Variants in OTOF observed in about 807,000 individuals in gnomAD.
The protein encoded by OTOF is otoferlin, also known as fer-1-like family member 2.
A neutral mutation model predicts 236.8 loss-of-function variants in OTOF; 218 were observed. That is an observed-to-expected ratio of 0.92 (90% CI 0.82 to 1.03). The LOEUF (loss-of-function observed/expected upper bound fraction) is 1.03, where lower values mean the gene tolerates loss of function less well. Among genes scored for constraint, OTOF ranks in the 50% least tolerant of loss-of-function variants. The pLI is 0.00. For missense variants in OTOF, 2,590 were observed against 2,694.4 expected, an observed-to-expected ratio of 0.96 and a Z score of 0.86; for synonymous variants, 1,041 against 1,072.5, an observed-to-expected ratio of 0.97 and a Z score of 0.57.
chr2:26,516,231 C>A (rs1196043737), intron 5 of OTOF, among the ~76,000 whole-genome samples, 187 bp downstream of exon 5: 1 of 152,192 alleles, frequency 6.6e-6, no homozygotes, highest in Non-Finnish European at 1.5e-5. Context: ...GCCCAGTGAC[C>A]TCGGGGGTGG....
At position 26,480,784 on chromosome 2, in the gene OTOF, AC is replaced by A. The variant is rs1254806438; in HGVS notation, c.1803+1del. 6.2e-7 allele frequency: 1 copy of A among 1,610,340 alleles called. No homozygotes were observed. The highest frequency in any genetic ancestry group is 8.5e-7 in the Non-Finnish European group (1 of 1,179,102). ...GGGACAGCACAGTGCCTGGGGTCTC[AC>A]CTCCGAGATGGGCGTGGCCTGCTCC... On this transcript the variant is annotated splice_donor_variant, in intron 15 of 46. Coordinates refer to ENST00000272371, the MANE Select transcript of OTOF (RefSeq NM_194248.3). LOFTEE classifies it high-confidence loss of function.
intron 12 of OTOF, 95 bp downstream of exon 12, chr2:26,484,379 G>A (rs760128492): frequency 1.7e-5 from 22 of 1,304,182 alleles, no homozygotes; most frequent in African/African-American, 1.3e-4. Context: ...TGAGGGAGAC[G>A]GGTGGCAGGT....
At position 26,532,092 on chromosome 2, in the gene OTOF, C is replaced by CAAAAAAAAAAAAA. The variant is rs150580671; in HGVS notation, c.139-4185_139-4173dup. On this transcript the variant is annotated intron_variant, in intron 2 of 46. Coordinates refer to ENST00000272371, the MANE Select transcript of OTOF (RefSeq NM_194248.3). ...TGGGTGACAGAGTAAGACTCCACCTCAAAAAAAAAAAAAAAAAAAAAAAGA... is the reference window on the plus strand; with the variant it reads ...TGGGTGACAGAGTAAGACTCCACCTCAAAAAAAAAAAAAAAAAAAAAAAAAAAAAAAAAAAAGA... Among the ~76,000 whole-genome samples the CAAAAAAAAAAAAA allele has an allele frequency of 5.1e-4, 41 of 80,196 alleles. 3 individuals are homozygous for CAAAAAAAAAAAAA. Among genetic ancestry groups the CAAAAAAAAAAAAA allele is most frequent in the African/African-American group, 2.5e-3 (39 of 15,820 alleles). 52.6% of individuals were successfully genotyped at this position (80,196 alleles called of 152,430 possible). A position where few individuals can be genotyped will look rare whatever the true frequency, so the allele number is the denominator to read the frequency against.
intron 2 of OTOF, 152 bp downstream of exon 2, chr2:26,537,564 C>A: frequency 1.4e-6 from 1 of 690,600 alleles, no homozygotes; most frequent in Non-Finnish European, 2.6e-6. Flanking sequence ...CCCTCCTTAC[C>A]ACCTCCTTCA....
At chr2:26,503,228 A>G (rs974088124) in intron 6 of OTOF, among the ~76,000 whole-genome samples, 5 of 152,146 alleles carry the variant, frequency 3.3e-5, no homozygotes, top group African/African-American at 4.8e-5. Flanking sequence ...GTCTTCCTCC[A>G]GGCCTCCCGC....
rs575291640 is a variant in OTOF at position 26,462,490 on chromosome 2, C to A, written c.5193-309G>T. ...AGCCAGCAATGGAAGCCCATGGAAG[C>A]TGTATGTCCCTGTCCCCAAAGAGGA... On this transcript the variant is annotated intron_variant, in intron 41 of 46. Transcript: ENST00000272371. This position sits in a 1 kb window ranked among gnomAD's most constrained non-coding sequence, Gnocchi z 4.7. Among the ~76,000 whole-genome samples, 9 of 152,176 alleles carry A rather than the reference C, an allele frequency of 5.9e-5. No homozygotes were observed. The highest frequency in any genetic ancestry group is 1.0e-4 in the Non-Finnish European group (7 of 68,024).
intron 5 of OTOF, among the ~76,000 whole-genome samples, chr2:26,506,132 G>A (rs1452416928): frequency 1.3e-5 from 2 of 152,170 alleles, no homozygotes; most frequent in Non-Finnish European, 2.9e-5. Context: ...CCTGCCATAG[G>A]CCCAGCTTCA....
chr2:26,490,363 A>T (rs578011468), intron 9 of OTOF, among the ~76,000 whole-genome samples: 1 of 152,352 alleles, frequency 6.6e-6, no homozygotes, highest in African/African-American at 2.4e-5. Context: ...GAGCAGATGA[A>T]CCATGGTGTG....
intron 26 of OTOF, 99 bp from the exon 27 acceptor site, chr2:26,474,209 C>T (rs1044051026): frequency 1.3e-6 from 2 of 1,517,948 alleles, no homozygotes; most frequent in Non-Finnish European, 1.8e-6. Context: ...CAGGGAAACC[C>T]CCTAAGGACC....
rs1010385215 is a variant in OTOF at position 26,462,316 on chromosome 2, G to C, written c.5193-135C>G. ...ACAGGGCCTGGGCCAGGCTGGGGCT[G>C]GAGGAGTGGTTTGGGGTTGGGGGAG... On this transcript the variant is annotated intron_variant, in intron 41 of 46. Transcript: ENST00000272371. This position sits in a 1 kb window ranked among gnomAD's most constrained non-coding sequence, Gnocchi z 4.7. 8 of 791,794 alleles carry C rather than the reference G, an allele frequency of 1.0e-5. No homozygotes were observed. In the African/African-American group the frequency reaches 1.4e-4, roughly 13 times the overall value. The allele number at this position is 791,794 out of a possible 1,614,324, so 49.0% of individuals were successfully genotyped here.
chr2:26,547,784 T>C (rs1414835658), intron 1 of OTOF, among the ~76,000 whole-genome samples: 3 of 152,144 alleles, frequency 2.0e-5, no homozygotes, highest in Admixed American at 6.5e-5. Context: ...GAGGTTGCAG[T>C]GAGCTGAGAT....
In OTOF at chr2:26,472,638, G is replaced by A. The variant is rs778205630; in HGVS notation, c.3745C>T (p.Arg1249Trp). ...CCATTGCACAGCACACGGCAGCGCC[G>A]GAGAAGCCTGACTGGACAGATGGAT... ...PSWNTTVRLL[R>W]RCRVLCNGGS... Residue 1249 changes from arginine (R) to tryptophan (W), a missense_variant, in exon 30 of 47, where the codon CGG (arginine) becomes TGG (tryptophan). Physicochemically the swap from Arg to Trp is moderately radical, Grantham distance 101. Around this residue, in one of 2 missense-constraint regions of OTOF, gnomAD observed 1,211 missense variants for 1,352.8 expected, o/e 0.90. Coordinates refer to ENST00000272371, the MANE Select transcript of OTOF (RefSeq NM_194248.3). 4.7e-5 allele frequency: 76 copies of A among 1,612,944 alleles called. No homozygotes were observed. Among genetic ancestry groups the A allele is most frequent in the East Asian group, 2.2e-4 (10 of 44,878 alleles).
Position 26,482,605 on chromosome 2 carries a change from GGA to G in OTOF, c.1393-15_1393-14del. 1.2e-6 allele frequency: 2 copies of G among 1,610,732 alleles called. No individual in the cohort carries two copies. Among genetic ancestry groups the G allele is most frequent in the Non-Finnish European group, 1.7e-6 (2 of 1,178,130 alleles). On this transcript the variant is annotated splice_polypyrimidine_tract_variant and intron_variant, in intron 13 of 46. Coordinates refer to ENST00000272371, the MANE Select transcript of OTOF (RefSeq NM_194248.3). ...CTGAAGTCTTGCCCTGGTGGAAGGGGGAGCACAGGTGAGGGCGTGGCATGTGT... is the reference window on the plus strand; with the variant it reads ...CTGAAGTCTTGCCCTGGTGGAAGGGGGCACAGGTGAGGGCGTGGCATGTGT...
chr2:26,506,624 C>A (rs1054505001), intron 5 of OTOF, among the ~76,000 whole-genome samples: 17 of 152,226 alleles, frequency 1.1e-4, no homozygotes, highest in African/African-American at 4.1e-4. Context: ...ATCCCTGGGG[C>A]ACTTATGGCC....
At position 26,457,954 on chromosome 2, in the gene OTOF, G is replaced by T; in HGVS notation, c.*284C>A. On this transcript the variant is annotated 3_prime_UTR_variant, in exon 47 of 47. Transcript: ENST00000272371. This position sits in a 1 kb window ranked among gnomAD's most constrained non-coding sequence, Gnocchi z 4.4. Reference sequence around the variant, plus strand: ...GAAGAGTGGACGCTGGGCTCCTCAGGCTCCCCAGGGGAGATGGGAAAGAGT... The same window carrying T: ...GAAGAGTGGACGCTGGGCTCCTCAGTCTCCCCAGGGGAGATGGGAAAGAGT... The T allele has an allele frequency of 7.3e-7, 1 of 1,373,284 alleles. No homozygotes were observed. Among genetic ancestry groups the T allele is most frequent in the Non-Finnish European group, 1.0e-6 (1 of 993,098 alleles). The allele number at this position is 1,373,284 out of a possible 1,614,324, so 85.1% of individuals were successfully genotyped here.
chr2:26,554,635 G>T (rs947267675), intron 1 of OTOF, among the ~76,000 whole-genome samples: 2 of 152,130 alleles, frequency 1.3e-5, no homozygotes, highest in East Asian at 1.9e-4. Context: ...ATTAATGGGC[G>T]TTCTCAAGGT....
chr2:26,487,211 T>C (rs1665721439), intron 11 of OTOF, among the ~76,000 whole-genome samples: 1 of 152,178 alleles, frequency 6.6e-6, no homozygotes, highest in Non-Finnish European at 1.5e-5. Flanking sequence ...GGAGTGTCTC[T>C]GGGAGCATGC....
intron 5 of OTOF, among the ~76,000 whole-genome samples, chr2:26,504,961 T>C (rs890403901): frequency 6.6e-6 from 1 of 152,174 alleles, no homozygotes; most frequent in African/African-American, 2.4e-5. Flanking sequence ...GGCTTGACTA[T>C]GGTTTCTAAG....
chr2:26,540,192 A>G (rs1667178512), intron 1 of OTOF, among the ~76,000 whole-genome samples: 2 of 152,210 alleles, frequency 1.3e-5, no homozygotes, highest in African/African-American at 4.8e-5. Context: ...TCGGCCTCCC[A>G]AAGTGCTGGG....
Sources: gnomAD v4.1 joint callset for allele counts (sites outside exome capture counted in the v4.1 genomes callset) on GRCh38, gnomAD v4.1.1 for gene constraint, gnomAD v4.1.1 regional missense constraint, Gnocchi (gnomAD v3.1) non-coding constraint, MANE v1.5 for transcripts, NCBI Gene and HGNC (gene_info 2026-07-23, HGNC 2026-07-21) for gene names.